Variants in TWIST2 observed in about 807,000 individuals in gnomAD.
TWIST2 encodes twist-related protein 2.
In TWIST2, 1 loss-of-function variant was observed where a neutral mutation model predicts 11.6. The observed-to-expected ratio is 0.09, with a 90% CI of 0.03 to 0.41. The LOEUF (loss-of-function observed/expected upper bound fraction) is 0.41. TWIST2 is among the 10% of genes least tolerant of loss of function. The pLI is 0.98. For synonymous variants in TWIST2, 87 were observed against 96.6 expected (o/e 0.90, Z 0.58); for missense variants, 168 against 226.4 (o/e 0.74, Z 1.66).
At chr2:238,871,515 AC>A (rs1314647943) in intron 1 of TWIST2, among the ~76,000 whole-genome samples, 2 of 73,746 alleles carry the variant, frequency 2.7e-5, no homozygotes, top group East Asian at 5.0e-4. Flanking sequence ...CCCCACACAT[AC>A]CCCCCAAACC....
Position 238,867,126 on chromosome 2 carries a change from G to A in TWIST2, c.*35+18393G>A, listed in dbSNP as rs868369216. 2.3e-4 allele frequency among the ~76,000 whole-genome samples: 35 copies of A among 152,234 alleles called. No individual in the cohort carries two copies. The highest frequency in any genetic ancestry group is 7.2e-4 in the African/African-American group (30 of 41,522). On this transcript the variant is annotated intron_variant, in intron 1 of 1. Transcript: ENST00000612363. This position sits in a 1 kb window ranked among gnomAD's most constrained non-coding sequence, Gnocchi z 4.8. ...AACAGAGGAGCCAGCCTCTTGTTTCGAGGGCCTTTTCCGTCCTCGAAGCCA... is the reference window on the plus strand; with the variant it reads ...AACAGAGGAGCCAGCCTCTTGTTTCAAGGGCCTTTTCCGTCCTCGAAGCCA...
chr2:238,902,638 GGTGT>G (rs1693283904), intron 1 of TWIST2, among the ~76,000 whole-genome samples: 1 of 144,218 alleles, frequency 6.9e-6, no homozygotes, highest in African/African-American at 2.6e-5. Flanking sequence ...TGTGATATGA[GGTGT>G]GTGATGGTGT....
chr2:238,891,406 G>A (rs750538472), intron 1 of TWIST2, among the ~76,000 whole-genome samples: 4 of 152,202 alleles, frequency 2.6e-5, no homozygotes, highest in African/African-American at 4.8e-5. Flanking sequence ...TCCTCAAAAG[G>A]AACCTGGGGC....
At chr2:238,851,940 A>G (rs902526418) in intron 1 of TWIST2, among the ~76,000 whole-genome samples, 2 of 151,592 alleles carry the variant, frequency 1.3e-5, no homozygotes, top group Non-Finnish European at 2.9e-5. Flanking sequence ...CTTGCTACTC[A>G]TCTTGCTGGA....
At chr2:238,850,836 C>T (rs952612583) in intron 1 of TWIST2, among the ~76,000 whole-genome samples, 1 of 152,048 alleles carries the variant, frequency 6.6e-6, no homozygotes, top group Non-Finnish European at 1.5e-5. Context: ...GTAGTTCAAA[C>T]AAGCTAGTTT....
intron 1 of TWIST2, among the ~76,000 whole-genome samples, chr2:238,908,606 TATA>T (rs1693396193): frequency 1.3e-5 from 2 of 152,256 alleles, no homozygotes; most frequent in African/African-American, 4.8e-5. Context: ...ATGTGTGGCA[TATA>T]ATGTGGTATA....
At chr2:238,849,201 T>C (rs897929865) in intron 1 of TWIST2, among the ~76,000 whole-genome samples, 3 of 152,116 alleles carry the variant, frequency 2.0e-5, no homozygotes, top group African/African-American at 7.2e-5. Flanking sequence ...TTCGCTTTCT[T>C]CCTGGGCAAG....
At chr2:238,884,015 G>T (rs891169225) in intron 1 of TWIST2, among the ~76,000 whole-genome samples, 1 of 152,106 alleles carries the variant, frequency 6.6e-6, no homozygotes, top group Admixed American at 6.6e-5. Flanking sequence ...TTCCCCTAGG[G>T]TTAATCCAAA....
intron 1 of TWIST2, among the ~76,000 whole-genome samples, chr2:238,862,407 C>T (rs1313031119): frequency 6.6e-6 from 1 of 151,958 alleles, no homozygotes; most frequent in Non-Finnish European, 1.5e-5. Flanking sequence ...CCCATATGGG[C>T]AAAAAATATG....
chr2:238,861,613 G>A (rs963974040), intron 1 of TWIST2, among the ~76,000 whole-genome samples: 14 of 152,122 alleles, frequency 9.2e-5, no homozygotes, highest in African/African-American at 2.4e-4. Flanking sequence ...AGGTGAGACC[G>A]TGGTGTCAGA....
intron 1 of TWIST2, among the ~76,000 whole-genome samples, chr2:238,875,780 T>C (rs1300227522): frequency 1.3e-5 from 2 of 152,034 alleles, no homozygotes; most frequent in African/African-American, 4.8e-5. Flanking sequence ...GTCCCCAAGT[T>C]CCAAAAAAAC....
At chr2:238,895,925 G>A (rs1242072662) in intron 1 of TWIST2, among the ~76,000 whole-genome samples, 1 of 152,206 alleles carries the variant, frequency 6.6e-6, no homozygotes, top group East Asian at 1.9e-4. Context: ...GCCATTCCAA[G>A]CACAGTCAGC....
In TWIST2 at chr2:238,905,874, TG is replaced by T. The variant is rs1419845540; in HGVS notation, c.*36-3967del. ...GTGTGTGCGTGTGTGTGCGTGCGTG[TG>T]TGTGCATGTGCGCGCATGCGCGTGT... is the stretch of plus-strand genomic sequence containing the variant. On this transcript the variant is annotated intron_variant, in intron 1 of 1. Transcript: ENST00000612363. Among the ~76,000 whole-genome samples, 210 of 59,748 alleles carry T rather than the reference TG, an allele frequency of 3.5e-3. 1 individual carries two copies. The highest frequency in any genetic ancestry group is 0.014 in the African/African-American group (198 of 13,702). The allele number at this position is 59,748 out of a possible 152,430, so 39.2% of individuals were successfully genotyped here. A position where few individuals can be genotyped will look rare whatever the true frequency, so the allele number is the denominator to read the frequency against.
chr2:238,864,554 G>T lies in TWIST2; in HGVS notation c.*35+15821G>T, dbSNP rs1160034645. ...GCGCCCCACCCGGCCCCCAGGCCAG[G>T]TCAGCCTGGGGAGGGGAGAACTAAG... On this transcript the variant is annotated intron_variant, in intron 1 of 1. Transcript: ENST00000612363. This position sits in a 1 kb window ranked among gnomAD's most constrained non-coding sequence, Gnocchi z 4.7. 6.6e-6 allele frequency among the ~76,000 whole-genome samples: 1 copy of T among 151,980 alleles called. No individual in the cohort carries two copies. The highest frequency in any genetic ancestry group is 1.5e-5 in the Non-Finnish European group (1 of 67,976).
chr2:238,890,450 C>T (rs566794025), intron 1 of TWIST2, among the ~76,000 whole-genome samples: 5 of 152,310 alleles, frequency 3.3e-5, no homozygotes, highest in Non-Finnish European at 7.3e-5. Flanking sequence ...AAAGAGGGAA[C>T]GCATTCTAAA....
chr2:238,874,127 G>C (rs1179494433), intron 1 of TWIST2, among the ~76,000 whole-genome samples: 1 of 152,156 alleles, frequency 6.6e-6, no homozygotes, highest in Non-Finnish European at 1.5e-5. Flanking sequence ...CAATGATGAG[G>C]GATGGGATCC....
chr2:238,889,838 C>A (rs941871629), intron 1 of TWIST2, among the ~76,000 whole-genome samples: 1 of 152,200 alleles, frequency 6.6e-6, no homozygotes, highest in African/African-American at 2.4e-5. Context: ...ACTTGCAGGG[C>A]AGGTAGTACC....
chr2:238,895,949 G>A (rs1693201820), intron 1 of TWIST2, among the ~76,000 whole-genome samples: 1 of 152,226 alleles, frequency 6.6e-6, no homozygotes. Flanking sequence ...GGTCCCTGAA[G>A]CCAAGCCCAA....
At chr2:238,865,411 C>T (rs371221094) in intron 1 of TWIST2, among the ~76,000 whole-genome samples, 1 of 152,198 alleles carries the variant, frequency 6.6e-6, no homozygotes, top group African/African-American at 2.4e-5. Flanking sequence ...TCCAGCCGGG[C>T]ACCTGTTGGC....
Sources: allele counts gnomAD v4.1 joint callset (sites outside exome capture counted in the v4.1 genomes callset), GRCh38; gene constraint gnomAD v4.1.1; non-coding constraint Gnocchi (gnomAD v3.1); transcripts MANE v1.5; gene names NCBI Gene and HGNC (gene_info 2026-07-23, HGNC 2026-07-21).